RPIA: variants seen among roughly 807,000 people sequenced by gnomAD.
The protein encoded by RPIA is ribose 5-phosphate isomerase A, also known as ribose-5-phosphate isomerase.
RPIA carries 29 observed loss-of-function variants against 37.8 expected under a neutral mutation model. The ratio of observed to expected loss-of-function variants is 0.77; its 90% CI spans 0.57 to 1.05. RPIA has a LOEUF of 1.05. Ranked by LOEUF, RPIA falls within the 50% of genes least tolerant of loss-of-function variation. The pLI is 0.00. For missense variants in RPIA, 385 were observed against 413.6 expected (o/e 0.93, Z 0.60); for synonymous variants, 167 against 157.0 (o/e 1.06, Z -0.48).
chr2:88,698,601 A>AG (rs1672788703), intron 2 of RPIA, 57 bp downstream of exon 2: 2 of 1,514,266 alleles, frequency 1.3e-6, no homozygotes, highest in Non-Finnish European at 9.2e-7. Flanking sequence ...GTAGGGAGGT[A>AG]GAGGAGAGGG....
chr2:88,729,347 C>T lies in RPIA; in HGVS notation c.462+10C>T, dbSNP rs1302138645. 6.2e-7 allele frequency: 1 copy of T among 1,613,360 alleles called. No individual in the cohort carries two copies. On this transcript the variant is annotated intron_variant, in intron 4 of 8. Coordinates refer to ENST00000283646, the MANE Select transcript of RPIA (RefSeq NM_144563.3). ...GGATCGACACCCAGAGGTAAGATTG[C>T]CACTCAGAGGCAGACCACTGCGTAT... is the stretch of plus-strand genomic sequence containing the variant.
chr2:88,747,831 G>A (rs1673457163), intron 8 of RPIA, among the ~76,000 whole-genome samples: 1 of 152,132 alleles, frequency 6.6e-6, no homozygotes, highest in Admixed American at 6.5e-5. Context: ...GTCTTATGGA[G>A]TTTGCAGCAG....
Position 88,709,882 on chromosome 2 carries a change from CT to C in RPIA, c.402+9826del, listed in dbSNP as rs151290860. On this transcript the variant is annotated intron_variant, in intron 3 of 8. Coordinates refer to ENST00000283646, the MANE Select transcript of RPIA (RefSeq NM_144563.3). ...TCCAGGAATCTTAATAATAGCCCCC[CT>C]TTTTTTTCTGGAAATTCCTTAGTAG... Among the ~76,000 whole-genome samples, 309 of 152,232 alleles carry C rather than the reference CT, an allele frequency of 2.0e-3. 1 individual carries two copies. The highest frequency in any genetic ancestry group is 6.8e-3 in the Middle Eastern group (2 of 294).
At chr2:88,713,153 CTTTTTTT>C (rs1175205465) in intron 3 of RPIA, among the ~76,000 whole-genome samples, 2 of 24,296 alleles carry the variant, frequency 8.2e-5, no homozygotes, top group Admixed American at 1.4e-3. Flanking sequence ...ACGAGTAGGC[CTTTTTTT>C]TTTTTTTTTT....
At chr2:88,706,214 A>T (rs1281461821) in intron 3 of RPIA, among the ~76,000 whole-genome samples, 1 of 152,182 alleles carries the variant, frequency 6.6e-6, no homozygotes, top group Non-Finnish European at 1.5e-5. Flanking sequence ...GTATATACCC[A>T]AAAGAATATA....
At chr2:88,721,449 A>G (rs1370069195) in intron 3 of RPIA, among the ~76,000 whole-genome samples, 1 of 148,066 alleles carries the variant, frequency 6.8e-6, no homozygotes, top group Non-Finnish European at 1.5e-5. Flanking sequence ...TATAATTAGT[A>G]TAATATAAAA....
intron 3 of RPIA, among the ~76,000 whole-genome samples, chr2:88,724,389 C>G (rs985655353): frequency 6.6e-6 from 1 of 151,388 alleles, no homozygotes; most frequent in African/African-American, 2.4e-5. Flanking sequence ...TCACTTCAAC[C>G]TCCACCTCCC....
chr2:88,693,306 A>G (rs943215009), intron 1 of RPIA, among the ~76,000 whole-genome samples: 2 of 152,214 alleles, frequency 1.3e-5, no homozygotes, highest in African/African-American at 4.8e-5. Flanking sequence ...AAAAATCTGC[A>G]AGCCCTGACC....
intron 1 of RPIA, among the ~76,000 whole-genome samples, chr2:88,695,416 A>T (rs1396926450): frequency 6.6e-6 from 1 of 152,222 alleles, no homozygotes; most frequent in African/African-American, 2.4e-5. Context: ...TGTCTGCTGC[A>T]GAGTAGATTG....
At chr2:88,745,494 T>C (rs1673428867) in intron 8 of RPIA, among the ~76,000 whole-genome samples, 1 of 151,870 alleles carries the variant, frequency 6.6e-6, no homozygotes, top group Non-Finnish European at 1.5e-5. Context: ...TCTCTCAGCA[T>C]TTGTTTGTCT....
chr2:88,749,148 G>C (rs887868381), intron 8 of RPIA, among the ~76,000 whole-genome samples: 1 of 152,206 alleles, frequency 6.6e-6, no homozygotes, highest in Non-Finnish European at 1.5e-5. Flanking sequence ...CCTAACAGTT[G>C]TATATCTAGG....
chr2:88,735,865 G>A, intron 6 of RPIA, 128 bp downstream of exon 6: 1 of 899,568 alleles, frequency 1.1e-6, no homozygotes, highest in East Asian at 2.4e-5. Context: ...CTGATGGCTA[G>A]GACTTAGTAC....
In RPIA at chr2:88,721,464, A is replaced by G. The variant is rs200563205; in HGVS notation, c.403-7814A>G. Among the ~76,000 whole-genome samples the G allele has an allele frequency of 7.2e-4, 107 of 147,612 alleles. 1 individual carries two copies. The East Asian group carries it at 0.014, about 19-fold the overall frequency. ...TATAATTAGTATAATATAAAATACA[A>G]CATATTAGTATATTGTTTTATTATT... On this transcript the variant is annotated intron_variant, in intron 3 of 8. Transcript: ENST00000283646.
chr2:88,707,292 T>C (rs1672909486), intron 3 of RPIA, among the ~76,000 whole-genome samples: 2 of 150,846 alleles, frequency 1.3e-5, no homozygotes, highest in South Asian at 4.1e-4. Context: ...ATATTGACTT[T>C]TCTTGTGATT....
intron 3 of RPIA, among the ~76,000 whole-genome samples, chr2:88,726,292 C>T (rs1048973293): frequency 6.6e-6 from 1 of 151,988 alleles, no homozygotes; most frequent in African/African-American, 2.4e-5. Flanking sequence ...TTGTCCAACT[C>T]GTGGCCCAAG....
rs1035560445 is a variant in RPIA at position 88,734,554 on chromosome 2, C to T, written c.465C>T (p.Ile155=). The T allele has an allele frequency of 5.6e-6, 9 of 1,613,510 alleles. No homozygotes were observed. The highest frequency in any genetic ancestry group is 7.6e-6 in the Non-Finnish European group (9 of 1,179,760). Reference sequence around the variant, plus strand: ...TCTTTACCTTTCCCCCAATACAGATCGACCTTGCCATCGATGGTGCTGATG... The same window carrying T: ...TCTTTACCTTTCCCCCAATACAGATTGACCTTGCCATCGATGGTGCTGATG... ...TLSDLDRHPE[I]DLAIDGADEV... is the part of the protein sequence containing the mutation. The change falls in exon 5 of 9, where the codon ATC becomes ATT. Residue 155 remains isoleucine (I), a splice_region_variant and synonymous_variant. Coordinates refer to ENST00000283646, the MANE Select transcript of RPIA (RefSeq NM_144563.3).
chr2:88,743,418 T>C (rs550575797), intron 8 of RPIA, among the ~76,000 whole-genome samples: 7 of 152,238 alleles, frequency 4.6e-5, no homozygotes, highest in Non-Finnish European at 1.0e-4. Flanking sequence ...CTTTTTGATA[T>C]GCTGTTGGAT....
At chr2:88,733,295 A>G (rs568088629) in intron 4 of RPIA, among the ~76,000 whole-genome samples, 225 of 152,254 alleles carry the variant, frequency 1.5e-3, no homozygotes, top group African/African-American at 5.2e-3. Context: ...GCAAAGCTGG[A>G]TAGGAAAAGT....
At chr2:88,743,930 G>C (rs751120665) in intron 8 of RPIA, among the ~76,000 whole-genome samples, 5 of 151,966 alleles carry the variant, frequency 3.3e-5, no homozygotes, top group Non-Finnish European at 5.9e-5. Flanking sequence ...CTCACTAATG[G>C]TCTATCGATT....
Sources: allele counts gnomAD v4.1 joint callset (sites outside exome capture counted in the v4.1 genomes callset), GRCh38; gene constraint gnomAD v4.1.1; transcripts MANE v1.5; gene names NCBI Gene and HGNC (gene_info 2026-07-23, HGNC 2026-07-21).